The following STK32A variants were observed in gnomAD, a reference collection of about 807,000 sequenced individuals.
STK32A encodes serine/threonine kinase 32A.
A neutral mutation model predicts 53.2 loss-of-function variants in STK32A; 41 were observed. That is an observed-to-expected ratio of 0.77 (90% CI 0.60 to 1.00). The LOEUF is 1.00. Ranked by LOEUF, STK32A falls within the 50% of genes least tolerant of loss-of-function variation. STK32A has a pLI of 0.00. For missense variants in STK32A, 458 were observed against 485.8 expected, an observed-to-expected ratio of 0.94 and a Z score of 0.54; for synonymous variants, 166 against 162.8, an observed-to-expected ratio of 1.02 and a Z score of -0.15.
At chr5:147,259,777 CCT>C (rs1441236773) in intron 2 of STK32A, among the ~76,000 whole-genome samples, 1 of 151,520 alleles carries the variant, frequency 6.6e-6, no homozygotes, top group Non-Finnish European at 1.5e-5. Context: ...CTGCCTCTCT[CCT>C]CTCTGTCTCT....
intron 5 of STK32A, among the ~76,000 whole-genome samples, chr5:147,340,176 C>A (rs1755336325): frequency 6.6e-6 from 1 of 152,128 alleles, no homozygotes; most frequent in Non-Finnish European, 1.5e-5. Context: ...TTGGTTTTGG[C>A]CAGCTTCTTC....
the STK32A span, among the ~76,000 whole-genome samples, chr5:147,397,123 C>T: frequency 6.8e-6 from 1 of 147,490 alleles, no homozygotes; most frequent in Non-Finnish European, 1.5e-5. Flanking sequence ...CTCTGCACCT[C>T]CATTTTTTAT....
At chr5:147,399,181 C>T in the STK32A span, 14 of 1,614,108 alleles carry the variant, frequency 8.7e-6, no homozygotes, top group East Asian at 2.7e-4. Flanking sequence ...TGCGGGGATA[C>T]AGGTTGAAGA....
chr5:147,263,621 G>A (rs945372485), intron 2 of STK32A, among the ~76,000 whole-genome samples: 3 of 151,934 alleles, frequency 2.0e-5, no homozygotes, highest in Non-Finnish European at 4.4e-5. Flanking sequence ...CAGCATGAAT[G>A]GAAAAATCCA....
chr5:147,365,299 T>A (rs1232972897), intron 8 of STK32A, among the ~76,000 whole-genome samples: 7 of 152,120 alleles, frequency 4.6e-5, no homozygotes, highest in Admixed American at 4.6e-4. Context: ...CTCTGCAGGG[T>A]CCATTTTACA....
chr5:147,401,770 G>T, the STK32A span: 1 of 1,565,266 alleles, frequency 6.4e-7, no homozygotes, highest in Non-Finnish European at 8.7e-7. Context: ...ATTTAATTTA[G>T]CTCCTAAGCC....
At chr5:147,365,069 C>T in intron 8 of STK32A, among the ~76,000 whole-genome samples, 1 of 152,186 alleles carries the variant, frequency 6.6e-6, no homozygotes, top group East Asian at 1.9e-4. Flanking sequence ...CTTTCTGCTG[C>T]TGTCAATAGC....
intron 7 of STK32A, among the ~76,000 whole-genome samples, chr5:147,358,308 A>C (rs1473910027): frequency 6.6e-6 from 1 of 152,174 alleles, no homozygotes; most frequent in Non-Finnish European, 1.5e-5. Flanking sequence ...GATGTTCAAC[A>C]AAAGGAACCC....
At chr5:147,289,129 C>T (rs1204148044) in intron 4 of STK32A, among the ~76,000 whole-genome samples, 1 of 151,666 alleles carries the variant, frequency 6.6e-6, no homozygotes, top group African/African-American at 2.4e-5. Context: ...TTATCTTCAA[C>T]TCATTCTCTA....
chr5:147,285,090 G>T (rs1265455089), intron 4 of STK32A, among the ~76,000 whole-genome samples: 1 of 152,042 alleles, frequency 6.6e-6, no homozygotes, highest in East Asian at 1.9e-4. Flanking sequence ...GCATGGTACT[G>T]GTACAAAAAT....
At chr5:147,331,614 A>G (rs922511174) in intron 5 of STK32A, among the ~76,000 whole-genome samples, 1 of 152,242 alleles carries the variant, frequency 6.6e-6, no homozygotes, top group African/African-American at 2.4e-5. Context: ...CCTAACCTCC[A>G]GTGCCTCAGA....
At chr5:147,312,622 A>C (rs1753759430) in intron 4 of STK32A, among the ~76,000 whole-genome samples, 1 of 152,186 alleles carries the variant, frequency 6.6e-6, no homozygotes, top group South Asian at 2.1e-4. Context: ...AAAGCTTTGT[A>C]AGGCTGCTTA....
intron 7 of STK32A, among the ~76,000 whole-genome samples, chr5:147,356,726 GA>G (rs1756266668): frequency 6.6e-6 from 1 of 152,066 alleles, no homozygotes; most frequent in Non-Finnish European, 1.5e-5. Flanking sequence ...ACACTCAAAG[GA>G]AATGCTCATT....
chr5:147,317,384 G>C (rs1016362190), intron 4 of STK32A, among the ~76,000 whole-genome samples: 6 of 128,910 alleles, frequency 4.7e-5, no homozygotes, highest in African/African-American at 1.2e-4. Context: ...CTAGAGTGCA[G>C]TGGTGTGATC....
At chr5:147,294,974 C>T (rs747671791) in intron 4 of STK32A, among the ~76,000 whole-genome samples, 3 of 152,320 alleles carry the variant, frequency 2.0e-5, no homozygotes, top group Admixed American at 6.5e-5. Context: ...TGAGCCACCG[C>T]GTCTGGCCAT....
chr5:147,397,816 C>T, the STK32A span: 1 of 1,613,344 alleles, frequency 6.2e-7, no homozygotes, highest in South Asian at 1.1e-5. Flanking sequence ...CGCGCAGCTC[C>T]ATCCCTTCAA....
intron 4 of STK32A, among the ~76,000 whole-genome samples, chr5:147,285,606 A>G (rs114514147): frequency 0.057 from 8,637 of 152,242 alleles, 302 homozygotes; most frequent in South Asian, 0.094. Context: ...GGAAAAAACA[A>G]TCCTATCAAA....
At chr5:147,396,867 A>G in the STK32A span, among the ~76,000 whole-genome samples, 53 of 45,190 alleles carry the variant, frequency 1.2e-3, no homozygotes, top group African/African-American at 2.7e-3. Flanking sequence ...ATATGTGTGT[A>G]TATATATATA....
chr5:147,259,822 CTCT>C (rs1044367971), intron 2 of STK32A, among the ~76,000 whole-genome samples: 15 of 135,496 alleles, frequency 1.1e-4, no homozygotes, highest in Middle Eastern at 3.6e-3. Context: ...TTCTCTCTCT[CTCT>C]TGTTTCTCTC....
Sources: allele counts gnomAD v4.1 joint callset (sites outside exome capture counted in the v4.1 genomes callset), GRCh38; gene constraint gnomAD v4.1.1; transcripts MANE v1.5; gene names NCBI Gene and HGNC (gene_info 2026-07-23, HGNC 2026-07-21).